The following SLX4IP variants were observed in gnomAD, a reference collection of about 807,000 sequenced individuals.
The protein encoded by SLX4IP is protein SLX4IP.
In SLX4IP, 34 loss-of-function variants were observed where a neutral mutation model predicts 32.9. The observed-to-expected ratio is 1.03, with a 90% CI of 0.79 to 1.38. SLX4IP has a LOEUF of 1.38. SLX4IP is among the 40% of genes most tolerant of loss of function. The pLI, the probability that SLX4IP is intolerant of heterozygous loss-of-function variation, is 0.00. For synonymous variants in SLX4IP, 172 were observed against 171.7 expected (o/e 1.00, Z -0.01); for missense variants, 444 against 479.0 (o/e 0.93, Z 0.68).
chr20:10,518,532 TCC>T (rs1487066872), intron 2 of SLX4IP, among the ~76,000 whole-genome samples: 11,446 of 138,258 alleles, frequency 0.083, 1,340 homozygotes, highest in Non-Finnish European at 0.13. Flanking sequence ...CTTCCTTCCT[TCC>T]TTCCTTCCTT....
chr20:10,516,409 A>G (rs994276899), intron 2 of SLX4IP, among the ~76,000 whole-genome samples: 3 of 142,514 alleles, frequency 2.1e-5, no homozygotes, highest in Admixed American at 7.2e-5. Context: ...GTTATTGAGC[A>G]AAGCTGAGGT....
intron 2 of SLX4IP, among the ~76,000 whole-genome samples, chr20:10,491,851 A>T (rs2065626679): frequency 6.6e-6 from 1 of 152,130 alleles, no homozygotes. Context: ...CTCCTCACTT[A>T]CCCCAGAAGT....
chr20:10,518,464 TTTC>T (rs2065873311), intron 2 of SLX4IP, among the ~76,000 whole-genome samples: 1 of 45,834 alleles, frequency 2.2e-5, no homozygotes, highest in Non-Finnish European at 5.8e-5. Flanking sequence ...CCTTCCTTCC[TTTC>T]CTTTCTTTTC....
intron 2 of SLX4IP, among the ~76,000 whole-genome samples, chr20:10,497,321 G>C (rs1332314382): frequency 6.6e-6 from 1 of 152,134 alleles, no homozygotes; most frequent in African/African-American, 2.4e-5. Context: ...TTCTGTAGAT[G>C]AGACATCTGC....
intron 2 of SLX4IP, among the ~76,000 whole-genome samples, chr20:10,510,158 T>A (rs1230976114): frequency 6.6e-6 from 1 of 152,244 alleles, no homozygotes; most frequent in African/African-American, 2.4e-5. Context: ...TTTAAATTTT[T>A]AAAATTTCCT....
chr20:10,571,837 G>T (rs1482740373), intron 4 of SLX4IP, among the ~76,000 whole-genome samples: 1 of 152,136 alleles, frequency 6.6e-6, no homozygotes, highest in African/African-American at 2.4e-5. Flanking sequence ...ACAAAACACA[G>T]AGATGAAAGT....
At chr20:10,568,424 T>G (rs1279857183) in intron 4 of SLX4IP, among the ~76,000 whole-genome samples, 2 of 152,216 alleles carry the variant, frequency 1.3e-5, no homozygotes, top group Non-Finnish European at 2.9e-5. Context: ...AAAACAGATT[T>G]TGCTGCCTCT....
At chr20:10,476,888 T>A (rs1434019035) in intron 2 of SLX4IP, among the ~76,000 whole-genome samples, 1 of 152,230 alleles carries the variant, frequency 6.6e-6, no homozygotes, top group Non-Finnish European at 1.5e-5. Flanking sequence ...TTAACTAGTA[T>A]TCAAACTAAA....
chr20:10,549,870 A>G (rs1251174843), intron 2 of SLX4IP, among the ~76,000 whole-genome samples: 1 of 152,240 alleles, frequency 6.6e-6, no homozygotes, highest in Non-Finnish European at 1.5e-5. Flanking sequence ...TTAAACTGTG[A>G]TTGTTTAATC....
At chr20:10,441,308 C>T (rs1250603807) in intron 1 of SLX4IP, among the ~76,000 whole-genome samples, 1 of 152,116 alleles carries the variant, frequency 6.6e-6, no homozygotes, top group Non-Finnish European at 1.5e-5. Flanking sequence ...TGGTGGCTTA[C>T]ACCTGTAGTC....
chr20:10,498,253 G>A (rs2065686177), intron 2 of SLX4IP, among the ~76,000 whole-genome samples: 1 of 151,826 alleles, frequency 6.6e-6, no homozygotes, highest in Non-Finnish European at 1.5e-5. Flanking sequence ...CTGAGGCTGT[G>A]TTTGTGTTTT....
At chr20:10,551,692 G>C (rs1293134974) in intron 2 of SLX4IP, among the ~76,000 whole-genome samples, 1 of 152,150 alleles carries the variant, frequency 6.6e-6, no homozygotes, top group Non-Finnish European at 1.5e-5. Flanking sequence ...AAGAGAAACT[G>C]TTCAGAATAG....
chr20:10,590,949 A>G (rs1338242435), intron 4 of SLX4IP, among the ~76,000 whole-genome samples: 1 of 152,204 alleles, frequency 6.6e-6, no homozygotes, highest in Non-Finnish European at 1.5e-5. Context: ...GGACCACACA[A>G]TATATTTTAA....
rs532371429 is a variant in SLX4IP, at chr20:10,483,180, C to T, written c.27+24949C>T. Among the ~76,000 whole-genome samples, 4 of 151,664 alleles carry T rather than the reference C, an allele frequency of 2.6e-5. No individual in the cohort carries two copies. The East Asian group carries it at 5.8e-4, about 22-fold the overall frequency. ...TGTTGCCCAGGCTAGAGTAAAGTGA[C>T]GTGATCTCAGCTAACTGCAACCCCA... On this transcript the variant is annotated intron_variant, in intron 2 of 7. Transcript: ENST00000334534.
At chr20:10,478,544 TAACAC>T (rs1327053803) in intron 2 of SLX4IP, among the ~76,000 whole-genome samples, 3 of 152,240 alleles carry the variant, frequency 2.0e-5, no homozygotes, top group African/African-American at 4.8e-5. Flanking sequence ...TGTCCAGTAA[TAACAC>T]AACTACTTAT....
At chr20:10,608,789 G>A (rs142207560) in intron 6 of SLX4IP, among the ~76,000 whole-genome samples, 98 of 151,054 alleles carry the variant, frequency 6.5e-4, no homozygotes, top group African/African-American at 2.2e-3. Context: ...TGCAATTAAC[G>A]CCACATTAAC....
chr20:10,567,981 C>T (rs1198567173), intron 4 of SLX4IP, among the ~76,000 whole-genome samples: 20 of 152,208 alleles, frequency 1.3e-4, no homozygotes, highest in Admixed American at 1.3e-3. Flanking sequence ...TTTCAGGTCT[C>T]TCATAGTGGT....
chr20:10,517,153 C>T (rs2065858088), intron 2 of SLX4IP, among the ~76,000 whole-genome samples: 1 of 152,184 alleles, frequency 6.6e-6, no homozygotes, highest in Admixed American at 6.5e-5. Flanking sequence ...TTCTCTGAAC[C>T]CCATCTCTTA....
At chr20:10,516,075 A>T (rs564014780) in intron 2 of SLX4IP, among the ~76,000 whole-genome samples, 464 of 152,216 alleles carry the variant, frequency 3.0e-3, no homozygotes, top group South Asian at 0.024. Context: ...TTTTGTAGAG[A>T]CGGGGTTTCA....
Sources: gnomAD v4.1 joint callset for allele counts (sites outside exome capture counted in the v4.1 genomes callset) on GRCh38, gnomAD v4.1.1 for gene constraint, MANE v1.5 for transcripts, NCBI Gene and HGNC (gene_info 2026-07-23, HGNC 2026-07-21) for gene names.